CCDC171: variants seen among roughly 807,000 people sequenced by gnomAD.
The protein encoded by CCDC171 is coiled-coil domain containing 171.
CCDC171 carries 177 observed loss-of-function variants against 168.2 expected under a neutral mutation model. The ratio of observed to expected loss-of-function variants is 1.05; its 90% CI spans 0.93 to 1.19. The LOEUF (loss-of-function observed/expected upper bound fraction) is 1.19. Among genes scored for constraint, CCDC171 ranks in the 50% most tolerant of loss-of-function variants. CCDC171 has a pLI of 0.00. For missense variants in CCDC171, 1,991 were observed against 1,539.0 expected (o/e 1.29, Z -4.91); for synonymous variants, 687 against 540.8 (o/e 1.27, Z -3.75).
intron 7 of CCDC171, among the ~76,000 whole-genome samples, chr9:15,647,367 C>G (rs2047130441): frequency 6.6e-6 from 1 of 152,086 alleles, no homozygotes; most frequent in Non-Finnish European, 1.5e-5. Flanking sequence ...CAAACACATT[C>G]AAAAGCTAGC....
At chr9:15,787,412 A>G (rs181630967) in intron 21 of CCDC171, among the ~76,000 whole-genome samples, 3 of 152,278 alleles carry the variant, frequency 2.0e-5, no homozygotes, top group East Asian at 1.9e-4. Flanking sequence ...AATGTACTGT[A>G]CATAATTTAT....
At chr9:15,697,569 A>G (rs1457941389) in intron 11 of CCDC171, among the ~76,000 whole-genome samples, 1 of 152,128 alleles carries the variant, frequency 6.6e-6, no homozygotes. Context: ...TTTGTTACAT[A>G]AGCAAAAAAG....
At chr9:15,672,817 AG>A (rs1335318340) in intron 9 of CCDC171, among the ~76,000 whole-genome samples, 2 of 152,206 alleles carry the variant, frequency 1.3e-5, no homozygotes, top group Non-Finnish European at 2.9e-5. Flanking sequence ...CTTTTTGCTT[AG>A]GATTGTCTTG....
chr9:16,038,051 G>C (rs7040690), upstream of CCDC171, among the ~76,000 whole-genome samples: 61,589 of 151,952 alleles, frequency 0.41, 14,050 homozygotes, highest in East Asian at 0.73. Context: ...TTAAAGCAAT[G>C]AAGATTTTTT....
At chr9:15,780,753 A>G (rs1281220063) in intron 20 of CCDC171, among the ~76,000 whole-genome samples, 4 of 152,180 alleles carry the variant, frequency 2.6e-5, no homozygotes, top group Admixed American at 6.5e-5. Flanking sequence ...AAGTACTGTA[A>G]TCATTTTCCT....
intron 10 of CCDC171, among the ~76,000 whole-genome samples, chr9:15,682,388 G>A (rs2050098731): frequency 6.6e-6 from 1 of 151,944 alleles, no homozygotes. Flanking sequence ...TTTTGGAAAA[G>A]TCTAAACTGA....
intron 7 of CCDC171, among the ~76,000 whole-genome samples, chr9:15,641,129 C>T (rs1221350114): frequency 6.6e-6 from 1 of 151,946 alleles, no homozygotes; most frequent in East Asian, 1.9e-4. Context: ...ATGAAAACAT[C>T]TATTAAAGGG....
intron 14 of CCDC171, 44 bp from the exon 15 acceptor site, chr9:15,727,825 A>G (rs200084023): frequency 4.0e-6 from 6 of 1,486,426 alleles, no homozygotes; most frequent in Admixed American, 2.0e-5. Flanking sequence ...ACTTCTTACA[A>G]TGTTTATATA....
intron 23 of CCDC171, among the ~76,000 whole-genome samples, chr9:15,852,525 T>C (rs544889410): frequency 6.6e-6 from 1 of 151,872 alleles, no homozygotes; most frequent in South Asian, 2.1e-4. Flanking sequence ...TCCCATCCTG[T>C]AGGTTGTCTT....
intron 21 of CCDC171, among the ~76,000 whole-genome samples, chr9:15,798,949 A>T (rs1253896154): frequency 6.6e-6 from 1 of 151,660 alleles, no homozygotes; most frequent in Non-Finnish European, 1.5e-5. Flanking sequence ...TTTATGTATA[A>T]TACAAAAATC....
chr9:16,086,981 T>C, the CCDC171 span, among the ~76,000 whole-genome samples: 2 of 152,224 alleles, frequency 1.3e-5, no homozygotes, highest in Non-Finnish European at 2.9e-5. Context: ...CTTGATTTCA[T>C]TATTTACCCA....
At chr9:15,806,718 T>C (rs1163284175) in intron 21 of CCDC171, among the ~76,000 whole-genome samples, 1 of 152,086 alleles carries the variant, frequency 6.6e-6, no homozygotes, top group African/African-American at 2.4e-5. Flanking sequence ...TGCTCTTGTG[T>C]AGAATCTTGC....
Position 15,695,485 on chromosome 9 carries a change from T to C in CCDC171, c.1318+148T>C, listed in dbSNP as rs1204929778. 4.6e-6 allele frequency: 3 copies of C among 656,388 alleles called. No individual in the cohort carries two copies. The East Asian group carries it at 8.0e-5, about 18-fold the overall frequency. The allele number at this position is 656,388 out of a possible 1,614,324, so 40.7% of individuals were successfully genotyped here. A position where few individuals can be genotyped will look rare whatever the true frequency, so the allele number is the denominator to read the frequency against. ...TAAGAGCAGTTCTCACAGCAGTCAG[T>C]TGGCCTAGCTGGCTGAGAAAGGGTG... On this transcript the variant is annotated intron_variant, in intron 11 of 25. Transcript: ENST00000380701.
intron 25 of CCDC171, among the ~76,000 whole-genome samples, chr9:15,943,149 A>G (rs1827914893): frequency 6.6e-6 from 1 of 151,970 alleles, no homozygotes; most frequent in African/African-American, 2.4e-5. Flanking sequence ...GTTTCTCAGC[A>G]TTGTTAACAG....
At chr9:15,855,915 T>C (rs2061333647) in intron 23 of CCDC171, among the ~76,000 whole-genome samples, 1 of 151,970 alleles carries the variant, frequency 6.6e-6, no homozygotes, top group African/African-American at 2.4e-5. Context: ...TTTATATAGT[T>C]GTCTTTTAAA....
intron 21 of CCDC171, among the ~76,000 whole-genome samples, chr9:15,803,191 T>C (rs539609903): frequency 6.6e-6 from 1 of 152,344 alleles, no homozygotes; most frequent in African/African-American, 2.4e-5. Flanking sequence ...TTGCAAAAAT[T>C]TCTCCCATTC....
chr9:15,566,698 C>G (rs555840207), intron 2 of CCDC171, among the ~76,000 whole-genome samples: 49 of 152,304 alleles, frequency 3.2e-4, no homozygotes, highest in Middle Eastern at 6.8e-3. Context: ...TTTATCAGTT[C>G]TTTTCCTATA....
At chr9:16,070,101 G>A in the CCDC171 span, among the ~76,000 whole-genome samples, 3 of 152,282 alleles carry the variant, frequency 2.0e-5, no homozygotes, top group South Asian at 4.2e-4. Flanking sequence ...GCTGCGAGCC[G>A]TGTAGCTTTA....
chr9:15,681,456 GCTTT>G (rs928134763), intron 10 of CCDC171, among the ~76,000 whole-genome samples: 11 of 151,596 alleles, frequency 7.3e-5, no homozygotes, highest in Non-Finnish European at 4.4e-5. Context: ...TTCCCTGTTA[GCTTT>G]CTTTTAACTT....
Sources: allele counts gnomAD v4.1 joint callset (sites outside exome capture counted in the v4.1 genomes callset), GRCh38; gene constraint gnomAD v4.1.1; transcripts MANE v1.5; gene names NCBI Gene and HGNC (gene_info 2026-07-23, HGNC 2026-07-21).